DLG5: variants seen among roughly 807,000 people sequenced by gnomAD.
DLG5 encodes the protein discs large MAGUK scaffold protein 5.
DLG5 carries 48 observed loss-of-function variants against 189.8 expected under a neutral mutation model. The ratio of observed to expected loss-of-function variants is 0.25; its 90% CI spans 0.20 to 0.32. The LOEUF (loss-of-function observed/expected upper bound fraction) is 0.32, where lower values mean the gene tolerates loss of function less well. DLG5 is among the 10% of genes least tolerant of loss of function. The probability of loss-of-function intolerance (pLI) is 1.00; values close to 1 mark genes in which losing one functional copy is unlikely to be tolerated. For missense variants in DLG5, 2,160 were observed against 2,544.7 expected (o/e 0.85, Z 3.25); for synonymous variants, 1,016 against 1,054.1 (o/e 0.96, Z 0.70).
intron 1 of DLG5, among the ~76,000 whole-genome samples, chr10:77,894,391 C>G (rs1460331537): frequency 6.6e-6 from 1 of 152,152 alleles, no homozygotes; most frequent in African/African-American, 2.4e-5. Flanking sequence ...GAGATAACAC[C>G]TAGCACACTT....
At chr10:77,838,917 G>GCC (rs1293562804) in intron 7 of DLG5, among the ~76,000 whole-genome samples, 11 of 152,232 alleles carry the variant, frequency 7.2e-5, no homozygotes, top group Non-Finnish European at 1.3e-4. Context: ...AGCTGATGGG[G>GCC]CAGCCGCGGG....
At chr10:77,929,045 A>G (rs983557569), upstream of DLG5, 9 of 151,666 alleles carry the variant, frequency 5.9e-5, no homozygotes, top group African/African-American at 2.2e-4. Flanking sequence ...AGAAAAAAAA[A>G]CTTATTTTTT....
At chr10:77,802,538 T>C (rs929460601) in intron 27 of DLG5, among the ~76,000 whole-genome samples, 5 of 152,202 alleles carry the variant, frequency 3.3e-5, no homozygotes, top group South Asian at 2.1e-4. Context: ...CGATGAATAA[T>C]TGATGTGCAA....
intron 7 of DLG5, among the ~76,000 whole-genome samples, chr10:77,837,896 G>C (rs1193813608): frequency 6.6e-6 from 1 of 152,216 alleles, no homozygotes; most frequent in African/African-American, 2.4e-5. Flanking sequence ...CAGGCATGAG[G>C]CCAGTGAGAA....
In DLG5 at chr10:77,856,588, G is replaced by T. The variant is rs546850252; in HGVS notation, c.536+142C>A. The T allele has an allele frequency of 2.3e-5, 26 of 1,115,242 alleles. 1 individual carries two copies. The South Asian group carries it at 3.9e-4, about 17-fold the overall frequency. 69.1% of individuals were successfully genotyped at this position (1,115,242 alleles called of 1,614,324 possible). On this transcript the variant is annotated intron_variant, in intron 3 of 31. Coordinates refer to ENST00000372391, the MANE Select transcript of DLG5 (RefSeq NM_004747.4). ...GTCCTGCCCCTGGGAAGCATTTCTG[G>T]ACATGAGGTGGGGGAAAGGGGACAC...
At chr10:77,895,868 G>T (rs1169973977) in intron 1 of DLG5, among the ~76,000 whole-genome samples, 1 of 152,166 alleles carries the variant, frequency 6.6e-6, no homozygotes, top group South Asian at 2.1e-4. Flanking sequence ...ATGTACCACT[G>T]CCAGGAGTGT....
intron 1 of DLG5, among the ~76,000 whole-genome samples, chr10:77,923,847 C>T (rs946470004): frequency 6.0e-5 from 9 of 150,396 alleles, no homozygotes; most frequent in Non-Finnish European, 1.3e-4. Context: ...CTTGCCATAC[C>T]AAATGCTGTC....
Position 77,834,018 on chromosome 10 carries a change from C to T in DLG5, c.1644G>A (p.Arg548=), listed in dbSNP as rs374784003. 67 of 1,609,596 alleles carry T rather than the reference C, an allele frequency of 4.2e-5. No homozygotes were observed. Among genetic ancestry groups the T allele is most frequent in the Non-Finnish European group, 5.6e-5 (66 of 1,179,866 alleles). ...DSIRTLCDNL[R]RERDRAVSEL... The stretch of plus-strand genomic sequence containing the variant: ...CGCTCACCGCACGGTCCCGCTCCCG[C>T]CTCAGGTTGTCACACAGTGTCCTGG... The change falls in exon 9 of 32, where the codon AGG becomes AGA. Residue 548 remains arginine (R), a synonymous_variant. Transcript: ENST00000372391.
At chr10:77,906,776 C>A (rs1040713537) in intron 1 of DLG5, among the ~76,000 whole-genome samples, 4 of 151,952 alleles carry the variant, frequency 2.6e-5, no homozygotes, top group Non-Finnish European at 5.9e-5. Context: ...AGGCACGTAC[C>A]ACCATGCCCA....
chr10:77,799,212 AT>A (rs146022099), intron 27 of DLG5, among the ~76,000 whole-genome samples: 58 of 152,342 alleles, frequency 3.8e-4, no homozygotes, highest in African/African-American at 1.3e-3. Flanking sequence ...GAGCAAAGGC[AT>A]GGTCCTGGGG....
rs763533634 is a variant in DLG5 at position 77,811,100 on chromosome 10, C to T, written c.4457G>A (p.Ser1486Asn). ...GPSTPPAKQS[S>N]SRIAGDANKK... The stretch of plus-strand genomic sequence containing the variant: ...CACAGCAACGTCTGCTGACCTGGAG[C>T]TGCTCTGCTTGGCTGGGGGGGTGCT... Residue 1486 changes from serine to asparagine, a missense_variant, in exon 23 of 32, where the codon AGC becomes AAC. Transcript: ENST00000372391. The T allele has an allele frequency of 6.2e-7, 1 of 1,611,454 alleles. No individual in the cohort carries two copies. The highest frequency in any genetic ancestry group is 1.7e-5 in the Admixed American group (1 of 59,994).
the DLG5 span, among the ~76,000 whole-genome samples, chr10:77,936,651 GT>G: frequency 1.3e-5 from 2 of 152,174 alleles, no homozygotes; most frequent in African/African-American, 4.8e-5. Context: ...TGTGTGCCAA[GT>G]TCTTGGCTAA....
rs1407421291 is a variant in DLG5, at chr10:77,880,961, CCTT to C, written c.305-11767_305-11765del. Among the ~76,000 whole-genome samples the C allele has an allele frequency of 3.7e-3, 387 of 105,662 alleles. 2 individuals carry two copies. Among genetic ancestry groups the C allele is most frequent in the Non-Finnish European group, 6.0e-3 (302 of 50,322 alleles). 69.3% of individuals were successfully genotyped at this position (105,662 alleles called of 152,430 possible). A position where few individuals can be genotyped will look rare whatever the true frequency, so the allele number is the denominator to read the frequency against. Reference sequence around the variant, plus strand: ...AGGACTCTCATCCACTAACCCTAGACCTTTTTTTTTTTTTTTTTTTTTTTTTTT... The same window carrying C: ...AGGACTCTCATCCACTAACCCTAGACTTTTTTTTTTTTTTTTTTTTTTTTT... On this transcript the variant is annotated intron_variant, in intron 1 of 31. Transcript: ENST00000372391.
At chr10:77,924,116 C>G (rs2559659) in intron 1 of DLG5, among the ~76,000 whole-genome samples, 4 of 152,050 alleles carry the variant, frequency 2.6e-5, no homozygotes, top group African/African-American at 7.2e-5. Context: ...CTGCCCGCCT[C>G]GGCCTCCCAA....
chr10:77,854,418 C>A, intron 3 of DLG5, 48 bp from the exon 4 acceptor site: 1 of 1,607,550 alleles, frequency 6.2e-7, no homozygotes, highest in Non-Finnish European at 8.5e-7. Context: ...CCAGGATTCA[C>A]ACGGATAGAG....
intron 1 of DLG5, among the ~76,000 whole-genome samples, chr10:77,915,341 A>G (rs113386012): frequency 0.015 from 2,339 of 152,010 alleles, 54 homozygotes; most frequent in African/African-American, 0.052. Flanking sequence ...AAAAAAAAAA[A>G]TAGGAACGTT....
At chr10:77,831,328 G>A (rs563172082) in intron 9 of DLG5, among the ~76,000 whole-genome samples, 14 of 152,194 alleles carry the variant, frequency 9.2e-5, no homozygotes, top group Admixed American at 5.2e-4. Flanking sequence ...GAATCAGGGA[G>A]GCAGAGGTTG....
chr10:77,940,632 G>A, the DLG5 span, among the ~76,000 whole-genome samples: 1 of 151,916 alleles, frequency 6.6e-6, no homozygotes, highest in Admixed American at 6.6e-5. Context: ...TTTTTTCAGG[G>A]GAGGACCCTG....
intron 7 of DLG5, among the ~76,000 whole-genome samples, chr10:77,839,100 T>C (rs901830882): frequency 2.0e-5 from 3 of 152,258 alleles, no homozygotes; most frequent in South Asian, 2.1e-4. Context: ...ACGTCAGGCC[T>C]GGAGGTCTCA....
Sources: gnomAD v4.1 joint callset for allele counts (sites outside exome capture counted in the v4.1 genomes callset) on GRCh38, gnomAD v4.1.1 for gene constraint, MANE v1.5 for transcripts, NCBI Gene and HGNC (gene_info 2026-07-23, HGNC 2026-07-21) for gene names.